The following MEIS2 variants were observed in gnomAD, a reference collection of about 807,000 sequenced individuals.
MEIS2 encodes the protein homeobox protein Meis2.
MEIS2 carries 9 observed loss-of-function variants against 58.6 expected under a neutral mutation model. That is an observed-to-expected ratio of 0.15 (90% confidence interval 0.09 to 0.27). The LOEUF (loss-of-function observed/expected upper bound fraction) is 0.27. Among genes scored for constraint, MEIS2 ranks in the 10% least tolerant of loss-of-function variants. The probability of loss-of-function intolerance (pLI) is 1.00; values close to 1 mark genes in which losing one functional copy is unlikely to be tolerated. For missense variants in MEIS2, 427 were observed against 635.0 expected (o/e 0.67, Z 3.52); for synonymous variants, 221 against 228.4 (o/e 0.97, Z 0.29).
chr15:36,957,287 T>C (rs905621597), intron 8 of MEIS2, among the ~76,000 whole-genome samples: 4 of 152,182 alleles, frequency 2.6e-5, no homozygotes, highest in African/African-American at 9.7e-5. Context: ...ATAATCAAAA[T>C]ACCTGAAAAA....
At chr15:36,987,783 GT>G (rs146591977) in intron 8 of MEIS2, among the ~76,000 whole-genome samples, 52,880 of 146,088 alleles carry the variant, frequency 0.36, 10,079 homozygotes, top group Middle Eastern at 0.58. Context: ...GCTATGACCA[GT>G]TTTTTTTTTT....
intron 5 of MEIS2, chr15:37,094,118 G>T: frequency 3.8e-6 from 1 of 260,386 alleles, no homozygotes; most frequent in Non-Finnish European, 7.3e-6. Flanking sequence ...GGTTTCGTAT[G>T]TTTCCAGGGG....
intron 9 of MEIS2, among the ~76,000 whole-genome samples, chr15:36,923,167 C>A (rs993251227): frequency 6.6e-6 from 1 of 152,112 alleles, no homozygotes; most frequent in Non-Finnish European, 1.5e-5. Context: ...CTGGAGGGCA[C>A]AAAAGGTACT....
At chr15:37,088,870 C>A (rs932835734) in intron 6 of MEIS2, among the ~76,000 whole-genome samples, 4 of 151,976 alleles carry the variant, frequency 2.6e-5, no homozygotes, top group Non-Finnish European at 4.4e-5. Context: ...TTCCATAGAA[C>A]ATTTAGTATT....
At chr15:36,990,090 G>A (rs1401908342) in intron 8 of MEIS2, among the ~76,000 whole-genome samples, 7 of 152,026 alleles carry the variant, frequency 4.6e-5, no homozygotes, top group East Asian at 1.9e-4. Context: ...GACTACAGGC[G>A]CCCGCCACCA....
At chr15:36,921,652 A>C (rs539872565) in intron 9 of MEIS2, among the ~76,000 whole-genome samples, 1 of 152,076 alleles carries the variant, frequency 6.6e-6, no homozygotes, top group Admixed American at 6.6e-5. Context: ...GTGTTTCAGC[A>C]CCACTTAGCA....
chr15:37,049,753 C>T (rs1268424641), intron 7 of MEIS2, among the ~76,000 whole-genome samples: 1 of 150,546 alleles, frequency 6.6e-6, no homozygotes, highest in Non-Finnish European at 1.5e-5. Flanking sequence ...TCCCAGTGTG[C>T]TGGGATTACA....
chr15:36,949,200 GA>G (rs11406464), intron 9 of MEIS2, among the ~76,000 whole-genome samples: 82 of 147,966 alleles, frequency 5.5e-4, no homozygotes, highest in African/African-American at 1.5e-3. Flanking sequence ...ACTTCCCTGG[GA>G]AAAAAAAAAA....
chr15:36,950,669 A>G (rs1180499832), intron 8 of MEIS2, among the ~76,000 whole-genome samples: 1 of 152,078 alleles, frequency 6.6e-6, no homozygotes, highest in Non-Finnish European at 1.5e-5. Flanking sequence ...GTCAGAATGC[A>G]AAGCACTTTT....
At chr15:37,097,782 G>C (rs750804024) in intron 2 of MEIS2, among the ~76,000 whole-genome samples, 185 bp downstream of exon 2, 39 of 152,044 alleles carry the variant, frequency 2.6e-4, no homozygotes, top group Non-Finnish European at 4.6e-4. Context: ...CTAGTTCTTC[G>C]GGGCTTTGAC....
intron 7 of MEIS2, among the ~76,000 whole-genome samples, chr15:37,065,149 A>T (rs1199445872): frequency 3.9e-5 from 6 of 152,188 alleles, no homozygotes; most frequent in Non-Finnish European, 8.8e-5. Context: ...AAAGTGCATA[A>T]TGTAAATTCT....
Position 36,935,004 on chromosome 15 carries a change from A to G in MEIS2, c.977+15320T>C, listed in dbSNP as rs551531533. Among the ~76,000 whole-genome samples the G allele has an allele frequency of 7.2e-5, 11 of 152,140 alleles. No individual in the cohort carries two copies. The East Asian group carries it at 1.9e-3, about 27-fold the overall frequency. On this transcript the variant is annotated intron_variant, in intron 9 of 11. Coordinates refer to ENST00000561208, the MANE Select transcript of MEIS2 (RefSeq NM_170675.5). ...AAGCTACTGAACTCTTGGCTCCTTA[A>G]TAGTTTGACTCCCATTGTAATTGCT...
intron 8 of MEIS2, among the ~76,000 whole-genome samples, chr15:36,979,633 A>G (rs957996128): frequency 6.6e-6 from 1 of 150,562 alleles, no homozygotes; most frequent in Non-Finnish European, 1.5e-5. Flanking sequence ...ACTCAGCAAC[A>G]TAATAACCTG....
chr15:37,041,124 G>C (rs1240370592), intron 7 of MEIS2, among the ~76,000 whole-genome samples: 1 of 152,206 alleles, frequency 6.6e-6, no homozygotes, highest in Non-Finnish European at 1.5e-5. Flanking sequence ...CCCCATCCTA[G>C]TCTTCTGGTA....
At chr15:36,926,422 C>T (rs766995685) in intron 9 of MEIS2, among the ~76,000 whole-genome samples, 3 of 152,168 alleles carry the variant, frequency 2.0e-5, no homozygotes, top group East Asian at 3.8e-4. Flanking sequence ...ACAACCCACA[C>T]GACTCTGGTG....
chr15:37,036,268 G>A (rs1366118550), intron 8 of MEIS2: 1 of 152,142 alleles, frequency 6.6e-6, no homozygotes, highest in Non-Finnish European at 1.5e-5. Flanking sequence ...TGCAAACAAA[G>A]GCATTACAGC....
Position 36,895,206 on chromosome 15 carries a change from C to T in MEIS2, c.1092G>A (p.Gln364=), listed in dbSNP as rs2056109949. The part of the protein sequence containing the change: ...SQGAAYSPEG[Q]PMGSFVLDGQ... Reference sequence around the variant, plus strand: ...CATCCAACACAAAGCTCCCCATGGGCTGACCCTCTGGACTATATGCTGCTC... The same window carrying T: ...CATCCAACACAAAGCTCCCCATGGGTTGACCCTCTGGACTATATGCTGCTC... The change falls in exon 11 of 12, where the codon CAG becomes CAA. Residue 364 remains glutamine (Q), a synonymous_variant. Transcript: ENST00000561208. 6.2e-7 allele frequency: 1 copy of T among 1,614,164 alleles called. No homozygotes were observed. The highest frequency in any genetic ancestry group is 8.5e-7 in the Non-Finnish European group (1 of 1,180,042).
chr15:37,083,432 GC>G (rs1229863223), intron 7 of MEIS2, among the ~76,000 whole-genome samples: 17 of 152,266 alleles, frequency 1.1e-4, no homozygotes, highest in African/African-American at 3.6e-4. Context: ...GCTATTTATA[GC>G]ACAATTCAAG....
At chr15:37,073,141 C>T (rs1449105269) in intron 7 of MEIS2, among the ~76,000 whole-genome samples, 1 of 152,014 alleles carries the variant, frequency 6.6e-6, no homozygotes, top group East Asian at 1.9e-4. Flanking sequence ...AGTCAGTCAC[C>T]AAAATGGACT....
Sources: gnomAD v4.1 joint callset for allele counts (sites outside exome capture counted in the v4.1 genomes callset) on GRCh38, gnomAD v4.1.1 for gene constraint, MANE v1.5 for transcripts, NCBI Gene and HGNC (gene_info 2026-07-23, HGNC 2026-07-21) for gene names.